The following RAB3C variants were observed in gnomAD, a reference collection of about 807,000 sequenced individuals.
The protein encoded by RAB3C is ras-related protein Rab-3C.
A neutral mutation model predicts 26.4 loss-of-function variants in RAB3C; 17 were observed. The observed-to-expected ratio is 0.64, with a 90% confidence interval of 0.44 to 0.97. RAB3C has a LOEUF of 0.97. RAB3C is among the 50% of genes least tolerant of loss of function. The pLI, the probability that RAB3C is intolerant of heterozygous loss-of-function variation, is 0.00. For missense variants in RAB3C, 242 were observed against 281.9 expected, an observed-to-expected ratio of 0.86 and a Z score of 1.01; for synonymous variants, 91 against 95.9, an observed-to-expected ratio of 0.95 and a Z score of 0.30.
At chr5:58,620,942 G>A (rs1177863533) in intron 2 of RAB3C, among the ~76,000 whole-genome samples, 1 of 142,810 alleles carries the variant, frequency 7.0e-6, no homozygotes, top group African/African-American at 2.6e-5. Context: ...AGGAATCCTT[G>A]CATTATGCTA....
At chr5:58,646,518 A>G (rs973896870) in intron 2 of RAB3C, among the ~76,000 whole-genome samples, 1 of 152,090 alleles carries the variant, frequency 6.6e-6, no homozygotes, top group African/African-American at 2.4e-5. Context: ...GCAAAGTACA[A>G]TGTTCTCTCT....
At chr5:58,829,186 AGCCATGGCACCCGGCCTCCATGAGTGT>A (rs1267948534) in intron 4 of RAB3C, among the ~76,000 whole-genome samples, 6 of 152,156 alleles carry the variant, frequency 3.9e-5, no homozygotes, top group Non-Finnish European at 8.8e-5. Context: ...TACAGGTGTG[AGCCATGGCACCCGGCCTCCATGAGTGT>A]TTTAACAGTT....
chr5:58,597,159 A>G (rs1579807218), intron 1 of RAB3C, among the ~76,000 whole-genome samples: 1 of 68,636 alleles, frequency 1.5e-5, no homozygotes, highest in African/African-American at 6.4e-5. Context: ...CATAATATAT[A>G]TTATATAATA....
chr5:58,584,459 T>C (rs1382613798), intron 1 of RAB3C, among the ~76,000 whole-genome samples: 1 of 152,134 alleles, frequency 6.6e-6, no homozygotes, highest in Non-Finnish European at 1.5e-5. Context: ...ATACCTCTAT[T>C]TGTGACTTAG....
At chr5:58,701,905 C>G (rs1010666646) in intron 2 of RAB3C, among the ~76,000 whole-genome samples, 14 of 151,930 alleles carry the variant, frequency 9.2e-5, no homozygotes, top group Non-Finnish European at 1.2e-4. Context: ...TTAATCATAC[C>G]TATGAAATTC....
At chr5:58,801,811 T>C (rs1742814797) in intron 3 of RAB3C, among the ~76,000 whole-genome samples, 1 of 152,220 alleles carries the variant, frequency 6.6e-6, no homozygotes, top group Non-Finnish European at 1.5e-5. Flanking sequence ...CTTAGGGATA[T>C]AGTGAATCTG....
intron 3 of RAB3C, among the ~76,000 whole-genome samples, chr5:58,778,998 T>C (rs1742211063): frequency 6.6e-6 from 1 of 152,174 alleles, no homozygotes; most frequent in Non-Finnish European, 1.5e-5. Flanking sequence ...ACAGCTTATA[T>C]ATCCCATCAA....
intron 2 of RAB3C, among the ~76,000 whole-genome samples, chr5:58,629,746 G>T (rs60640515): frequency 2.0e-5 from 3 of 152,176 alleles, no homozygotes; most frequent in Non-Finnish European, 4.4e-5. Flanking sequence ...TTGGCTGGTG[G>T]TGCATATTTT....
intron 3 of RAB3C, among the ~76,000 whole-genome samples, chr5:58,807,201 C>A (rs554899348): frequency 4.6e-5 from 7 of 152,268 alleles, no homozygotes; most frequent in African/African-American, 1.7e-4. Flanking sequence ...AAGCAGCAGG[C>A]AGCATATCAG....
chr5:58,807,866 A>G (rs1269646676), intron 3 of RAB3C, among the ~76,000 whole-genome samples: 1 of 152,144 alleles, frequency 6.6e-6, no homozygotes, highest in Non-Finnish European at 1.5e-5. Flanking sequence ...AATGTAGAAA[A>G]ATACAGACTC....
chr5:58,699,622 C>G (rs1748797479), intron 2 of RAB3C, among the ~76,000 whole-genome samples: 1 of 152,188 alleles, frequency 6.6e-6, no homozygotes. Context: ...GGGCTCCACC[C>G]AGTTAGAGCT....
chr5:58,756,101 T>C (rs570526753), intron 3 of RAB3C, among the ~76,000 whole-genome samples: 36 of 151,634 alleles, frequency 2.4e-4, no homozygotes, highest in African/African-American at 6.5e-4. Context: ...GAAAGACTTA[T>C]TGTTAGCATT....
At chr5:58,755,552 G>A (rs1229843502) in intron 3 of RAB3C, among the ~76,000 whole-genome samples, 1 of 152,150 alleles carries the variant, frequency 6.6e-6, no homozygotes, top group Non-Finnish European at 1.5e-5. Context: ...CAGGACTCGG[G>A]GCAGGCAGGA....
Position 58,638,560 on chromosome 5 carries a change from T to C in RAB3C, c.252+20690T>C, listed in dbSNP as rs184628224. Among the ~76,000 whole-genome samples, 167 of 152,354 alleles carry C rather than the reference T, an allele frequency of 1.1e-3. 1 individual carries two copies. Among genetic ancestry groups the C allele is most frequent in the African/African-American group, 3.9e-3 (164 of 41,574 alleles). On this transcript the variant is annotated intron_variant, in intron 2 of 4. Transcript: ENST00000282878. ...ATTTTCTAAAGTCCGTGTTATTTTA[T>C]AATTATAACCCACTTTACAACTCAC... is the stretch of plus-strand genomic sequence containing the variant.
chr5:58,757,205 T>C (rs9885498), intron 3 of RAB3C, among the ~76,000 whole-genome samples: 12,747 of 138,790 alleles, frequency 0.092, no homozygotes, highest in Admixed American at 0.16. Context: ...ATATTTAACA[T>C]TGATAGAATA....
At chr5:58,711,063 TA>T (rs1354410606) in intron 2 of RAB3C, among the ~76,000 whole-genome samples, 1 of 152,232 alleles carries the variant, frequency 6.6e-6, no homozygotes, top group African/African-American at 2.4e-5. Context: ...TCAGCAAGCA[TA>T]ATCAGATGAT....
chr5:58,727,107 C>T (rs1740906548), intron 3 of RAB3C, among the ~76,000 whole-genome samples: 1 of 132,658 alleles, frequency 7.5e-6, no homozygotes, highest in South Asian at 2.6e-4. Flanking sequence ...AATACATAGG[C>T]AAAACAGACA....
Position 58,851,382 on chromosome 5 carries a change from G to A in RAB3C, c.*31G>A. ...CCGTGCACACAGGCAGCTCCAGGGG[G>A]CTCTGGTTGCCAACAAACAGCATTT... On this transcript the variant is annotated 3_prime_UTR_variant, in exon 5 of 5. Transcript: ENST00000282878. The A allele has an allele frequency of 6.5e-7, 1 of 1,527,354 alleles. No homozygotes were observed. The highest frequency in any genetic ancestry group is 1.3e-5 in the South Asian group (1 of 76,724). The allele number at this position is 1,527,354 out of a possible 1,614,324, so 94.6% of individuals were successfully genotyped here. A position where few individuals can be genotyped will look rare whatever the true frequency, so the allele number is the denominator to read the frequency against.
intron 3 of RAB3C, among the ~76,000 whole-genome samples, chr5:58,810,383 CTCTGTGTG>C (rs1454157858): frequency 2.1e-5 from 3 of 145,842 alleles, no homozygotes; most frequent in African/African-American, 7.4e-5. Flanking sequence ...CTCTCTCTCT[CTCTGTGTG>C]TGTGTGTGTG....
Sources: allele counts gnomAD v4.1 joint callset (sites outside exome capture counted in the v4.1 genomes callset), GRCh38; gene constraint gnomAD v4.1.1; transcripts MANE v1.5; gene names NCBI Gene and HGNC (gene_info 2026-07-23, HGNC 2026-07-21).